CNTN4: variants seen among roughly 807,000 people sequenced by gnomAD.
CNTN4 encodes the protein contactin-4.
Under a neutral mutation model 122.5 loss-of-function variants are expected in CNTN4, and 77 were observed. That is an observed-to-expected ratio of 0.63 (90% confidence interval 0.52 to 0.76). The LOEUF (loss-of-function observed/expected upper bound fraction) is 0.76. CNTN4 is among the 30% of genes least tolerant of loss of function. The probability of loss-of-function intolerance (pLI) is 0.00; values close to 1 mark genes in which losing one functional copy is unlikely to be tolerated. For synonymous variants in CNTN4, 512 were observed against 447.0 expected, an observed-to-expected ratio of 1.15 and a Z score of -1.83; for missense variants, 1,256 against 1,259.1, an observed-to-expected ratio of 1.00 and a Z score of 0.04.
At chr3:2,826,406 A>G (rs1000496306) in intron 7 of CNTN4, among the ~76,000 whole-genome samples, 2 of 152,224 alleles carry the variant, frequency 1.3e-5, no homozygotes, top group African/African-American at 4.8e-5. Flanking sequence ...TTACGTGGAC[A>G]TACCCATACA....
At chr3:2,214,485 C>T (rs890480055) in intron 2 of CNTN4, among the ~76,000 whole-genome samples, 1 of 152,130 alleles carries the variant, frequency 6.6e-6, no homozygotes, top group African/African-American at 2.4e-5. Context: ...GTCCATGCCT[C>T]CATCTTTCTT....
chr3:2,301,045 T>A (rs1252215009), intron 2 of CNTN4, among the ~76,000 whole-genome samples: 7 of 152,186 alleles, frequency 4.6e-5, no homozygotes, highest in African/African-American at 1.7e-4. Flanking sequence ...GGATTTGTAT[T>A]AAGCCATCCT....
At chr3:2,383,056 C>G (rs1575511234) in intron 3 of CNTN4, among the ~76,000 whole-genome samples, 1 of 145,184 alleles carries the variant, frequency 6.9e-6, no homozygotes, top group Admixed American at 6.9e-5. Flanking sequence ...GCCTGGGTGA[C>G]AACAGCGAAA....
chr3:2,847,060 A>G (rs559104115), intron 7 of CNTN4, among the ~76,000 whole-genome samples: 5 of 152,028 alleles, frequency 3.3e-5, no homozygotes, highest in African/African-American at 1.2e-4. Context: ...TCCTGTTCTT[A>G]TATATTCTCA....
chr3:2,182,984 A>G (rs1367456367), intron 2 of CNTN4, among the ~76,000 whole-genome samples: 3 of 152,144 alleles, frequency 2.0e-5, no homozygotes, highest in Admixed American at 6.5e-5. Flanking sequence ...GAAAAGAACT[A>G]TATCCATATG....
intron 4 of CNTN4, among the ~76,000 whole-genome samples, chr3:2,588,203 G>A (rs1348756305): frequency 6.6e-6 from 1 of 152,084 alleles, no homozygotes; most frequent in Non-Finnish European, 1.5e-5. Flanking sequence ...CTCTGCTCCT[G>A]AGCCTTGATA....
rs1381545947 is a variant in CNTN4, at chr3:2,897,136, A to G, written c.941-3549A>G. Among the ~76,000 whole-genome samples the G allele has an allele frequency of 3.3e-5, 5 of 152,182 alleles. 1 individual carries two copies. In the South Asian group the frequency reaches 6.2e-4, roughly 19 times the overall value. On this transcript the variant is annotated intron_variant, in intron 10 of 24. Transcript: ENST00000418658. ...AATTATTATTGGATAAGATGCTTGT[A>G]CAATTCCAGTGGCTGGAATACACAA...
chr3:2,909,016 A>G (rs2094269280), intron 12 of CNTN4, among the ~76,000 whole-genome samples: 2 of 152,174 alleles, frequency 1.3e-5, no homozygotes, highest in Admixed American at 1.3e-4. Context: ...TTTGGCATCT[A>G]CCCAGGTGAT....
chr3:2,196,767 G>A (rs573666927), intron 2 of CNTN4, among the ~76,000 whole-genome samples: 2 of 151,956 alleles, frequency 1.3e-5, no homozygotes, highest in South Asian at 2.1e-4. Context: ...TGCCTGGGCC[G>A]GGCACGGTGG....
intron 2 of CNTN4, among the ~76,000 whole-genome samples, chr3:2,239,450 T>C (rs2039840647): frequency 1.3e-5 from 2 of 152,276 alleles, no homozygotes; most frequent in South Asian, 2.1e-4. Context: ...ACAAAGGGGA[T>C]AGTATCCTAT....
Position 2,860,657 on chromosome 3 carries a change from C to T in CNTN4, c.455-6095C>T, listed in dbSNP as rs185127359. On this transcript the variant is annotated intron_variant, in intron 7 of 24. Coordinates refer to ENST00000418658, the MANE Select transcript of CNTN4 (RefSeq NM_175607.3). ...ATCTCAACTCATCTAAGACACTGCC[C>T]CTCCACTCTTGTTTCCCAAGCATTG... is the stretch of plus-strand genomic sequence containing the variant. Among the ~76,000 whole-genome samples the T allele has an allele frequency of 1.4e-3, 207 of 152,266 alleles. 1 individual carries two copies. Among genetic ancestry groups the T allele is most frequent in the African/African-American group, 4.7e-3 (194 of 41,554 alleles).
intron 4 of CNTN4, among the ~76,000 whole-genome samples, chr3:2,723,594 G>T (rs2088005803): frequency 1.3e-5 from 2 of 152,156 alleles, no homozygotes; most frequent in Admixed American, 6.5e-5. Flanking sequence ...GTTGAATGCT[G>T]TTTGAAGCCT....
chr3:3,015,713 C>T (rs1391753748), intron 14 of CNTN4, among the ~76,000 whole-genome samples: 7 of 152,208 alleles, frequency 4.6e-5, no homozygotes, highest in Admixed American at 3.9e-4. Flanking sequence ...CCCCACATTG[C>T]ACTGTGTGTG....
intron 12 of CNTN4, among the ~76,000 whole-genome samples, chr3:2,903,329 AG>A (rs1163597316): frequency 6.6e-6 from 1 of 152,146 alleles, no homozygotes; most frequent in Non-Finnish European, 1.5e-5. Flanking sequence ...TGCAAACTTG[AG>A]CTTGGAGGGA....
chr3:2,735,540 T>C (rs2089019699), intron 4 of CNTN4, among the ~76,000 whole-genome samples: 1 of 152,242 alleles, frequency 6.6e-6, no homozygotes. Context: ...GCACCTGTTA[T>C]AGACCAGTTT....
intron 4 of CNTN4, among the ~76,000 whole-genome samples, chr3:2,598,072 C>G (rs2080856562): frequency 6.6e-6 from 1 of 152,136 alleles, no homozygotes; most frequent in Admixed American, 6.6e-5. Flanking sequence ...CCTTACCGGG[C>G]TATTTTGAGG....
chr3:2,874,142 G>A (rs1189683709), intron 8 of CNTN4, among the ~76,000 whole-genome samples: 1 of 152,196 alleles, frequency 6.6e-6, no homozygotes, highest in African/African-American at 2.4e-5. Flanking sequence ...TAGGAACTTG[G>A]CAGTCATCTT....
intron 6 of CNTN4, among the ~76,000 whole-genome samples, chr3:2,747,357 C>T (rs568185931): frequency 5.3e-5 from 8 of 150,572 alleles, no homozygotes; most frequent in Admixed American, 2.0e-4. Context: ...TGCAGTGAGC[C>T]GAGATGGCGC....
rs571304975 is a variant in CNTN4 at position 2,889,955 on chromosome 3, A to T, written c.940+2731A>T. On this transcript the variant is annotated intron_variant, in intron 10 of 24. Transcript: ENST00000418658. ...TTTTTTCAGGGATCCTGCCCTGGAGATGAAAATCAGGTTCTAACAATGTTT... is the reference window on the plus strand; with the variant it reads ...TTTTTTCAGGGATCCTGCCCTGGAGTTGAAAATCAGGTTCTAACAATGTTT... Among the ~76,000 whole-genome samples, 3 of 152,284 alleles carry T rather than the reference A, an allele frequency of 2.0e-5. No individual in the cohort carries two copies. The South Asian group carries it at 6.2e-4, about 32-fold the overall frequency.
Sources: gnomAD v4.1 joint callset for allele counts (sites outside exome capture counted in the v4.1 genomes callset) on GRCh38, gnomAD v4.1.1 for gene constraint, MANE v1.5 for transcripts, NCBI Gene and HGNC (gene_info 2026-07-23, HGNC 2026-07-21) for gene names.